CTNNA3: variants seen among roughly 807,000 people sequenced by gnomAD.
CTNNA3 encodes catenin alpha-3.
CTNNA3 carries 76 observed loss-of-function variants against 95.7 expected under a neutral mutation model. The ratio of observed to expected loss-of-function variants is 0.79; its 90% CI spans 0.66 to 0.96. The LOEUF is 0.96. Among genes scored for constraint, CTNNA3 ranks in the 40% least tolerant of loss-of-function variants. The pLI is 0.00. For synonymous variants in CTNNA3, 431 were observed against 374.4 expected (o/e 1.15, Z -1.74); for missense variants, 1,191 against 1,089.8 (o/e 1.09, Z -1.31).
chr10:67,146,049 A>T (rs1399362990), intron 7 of CTNNA3, among the ~76,000 whole-genome samples: 1 of 152,024 alleles, frequency 6.6e-6, no homozygotes, highest in Non-Finnish European at 1.5e-5. Flanking sequence ...ATCATCTTCT[A>T]TGGATCCATG....
chr10:67,006,572 G>A (rs1234933201), intron 7 of CTNNA3, among the ~76,000 whole-genome samples: 1 of 152,058 alleles, frequency 6.6e-6, no homozygotes, highest in East Asian at 1.9e-4. Context: ...ACCTGCTAAA[G>A]TAGAAGTCTC....
At chr10:67,674,455 T>C (rs768067323) in intron 1 of CTNNA3, among the ~76,000 whole-genome samples, 2 of 152,106 alleles carry the variant, frequency 1.3e-5, no homozygotes, top group Non-Finnish European at 2.9e-5. Context: ...ACTCTGGCAG[T>C]CCTAGCAAAC....
chr10:66,360,442 G>A (rs1219394309), intron 12 of CTNNA3, among the ~76,000 whole-genome samples: 2 of 152,014 alleles, frequency 1.3e-5, no homozygotes, highest in Non-Finnish European at 2.9e-5. Flanking sequence ...AAAAACCCAG[G>A]ATGTATTTGA....
At chr10:67,134,443 T>C (rs988708235) in intron 7 of CTNNA3, among the ~76,000 whole-genome samples, 15 of 152,066 alleles carry the variant, frequency 9.9e-5, no homozygotes, top group African/African-American at 3.6e-4. Context: ...ATGAATGAAT[T>C]TCCTAATAAA....
At chr10:66,059,765 A>C (rs2133566181) in intron 15 of CTNNA3, among the ~76,000 whole-genome samples, 1 of 152,240 alleles carries the variant, frequency 6.6e-6, no homozygotes, top group South Asian at 2.1e-4. Context: ...TAAATTTAGT[A>C]AAATTAGTAC....
intron 1 of CTNNA3, among the ~76,000 whole-genome samples, chr10:67,669,040 A>C (rs1840384177): frequency 6.6e-6 from 1 of 151,896 alleles, no homozygotes; most frequent in African/African-American, 2.4e-5. Flanking sequence ...GGGTTTCACT[A>C]TGTTGGCCAG....
intron 12 of CTNNA3, among the ~76,000 whole-genome samples, chr10:66,374,672 T>C (rs966820955): frequency 7.1e-6 from 1 of 141,172 alleles, no homozygotes; most frequent in Non-Finnish European, 1.5e-5. Context: ...TGGAGTGCAG[T>C]GGCAGGATCT....
At chr10:67,028,665 A>AG (rs201834763) in intron 7 of CTNNA3, among the ~76,000 whole-genome samples, 1 of 146,140 alleles carries the variant, frequency 6.8e-6, no homozygotes, top group Admixed American at 6.8e-5. Context: ...AAAAAAAAAA[A>AG]GTTCTTGGAG....
chr10:67,534,059 G>GA (rs932842725), intron 4 of CTNNA3, among the ~76,000 whole-genome samples: 658 of 142,910 alleles, frequency 4.6e-3, no homozygotes, highest in Non-Finnish European at 6.9e-3. Context: ...TGTCAGGAGG[G>GA]AAAAAAAAAA....
intron 5 of CTNNA3, among the ~76,000 whole-genome samples, chr10:67,453,149 G>A (rs1288447007): frequency 6.6e-6 from 1 of 152,166 alleles, no homozygotes; most frequent in African/African-American, 2.4e-5. Flanking sequence ...TTGAGAGCTA[G>A]GGCCATGCAG....
intron 16 of CTNNA3, among the ~76,000 whole-genome samples, chr10:65,974,066 C>T (rs1378866495): frequency 6.6e-6 from 1 of 152,040 alleles, no homozygotes; most frequent in African/African-American, 2.4e-5. Flanking sequence ...GTCAGAATGG[C>T]TATTATTAAA....
intron 9 of CTNNA3, among the ~76,000 whole-genome samples, chr10:66,749,167 C>T (rs898726761): frequency 5.5e-5 from 7 of 126,606 alleles, no homozygotes. Context: ...TGTGCCGCTG[C>T]ACTCCAGCCT....
At chr10:67,072,595 G>C (rs1479527347) in intron 7 of CTNNA3, among the ~76,000 whole-genome samples, 1 of 152,208 alleles carries the variant, frequency 6.6e-6, no homozygotes, top group Non-Finnish European at 1.5e-5. Context: ...GTTGGGGCTA[G>C]ATTGCAGTTT....
intron 7 of CTNNA3, among the ~76,000 whole-genome samples, chr10:66,871,536 T>C (rs9414950): frequency 0.14 from 18,491 of 129,434 alleles, 1,889 homozygotes; most frequent in East Asian, 0.45. Context: ...CACTCCAGCC[T>C]GGGCAACAAG....
rs1220359425 is a variant in CTNNA3 at position 67,375,792 on chromosome 10, T to C, written c.579+146050A>G. Among the ~76,000 whole-genome samples, 5 of 152,122 alleles carry C rather than the reference T, an allele frequency of 3.3e-5. No individual in the cohort carries two copies. In the South Asian group the frequency reaches 8.3e-4, roughly 25 times the overall value. On this transcript the variant is annotated intron_variant, in intron 5 of 17. Coordinates refer to ENST00000433211, the MANE Select transcript of CTNNA3 (RefSeq NM_013266.4). Reference sequence around the variant, plus strand: ...TCTGGCTAACAAAACCTGAAATAAATGGTAGTTTAATTTTCTGAAAACAAA... The same window carrying C: ...TCTGGCTAACAAAACCTGAAATAAACGGTAGTTTAATTTTCTGAAAACAAA...
chr10:67,747,524 G>A (rs1394575971), intron 1 of CTNNA3, among the ~76,000 whole-genome samples: 2 of 152,174 alleles, frequency 1.3e-5, no homozygotes. Context: ...CAGCCCTACA[G>A]AAGAGGGGCC....
At chr10:67,189,093 G>T in intron 6 of CTNNA3, among the ~76,000 whole-genome samples, 1 of 151,684 alleles carries the variant, frequency 6.6e-6, no homozygotes, top group Non-Finnish European at 1.5e-5. Context: ...CTCCAGCCTG[G>T]GTGACAGAGC....
intron 7 of CTNNA3, among the ~76,000 whole-genome samples, chr10:66,796,073 T>C (rs1447299493): frequency 6.6e-6 from 1 of 152,146 alleles, no homozygotes; most frequent in African/African-American, 2.4e-5. Context: ...TCATCATTCA[T>C]GTGTTCACTG....
rs367733734 is a variant in CTNNA3 at position 66,219,034 on chromosome 10, G to A, written c.1884+61436C>T. Among the ~76,000 whole-genome samples, 50 of 152,146 alleles carry A rather than the reference G, an allele frequency of 3.3e-4. No individual in the cohort carries two copies. In the South Asian group the frequency reaches 9.4e-3, roughly 28 times the overall value. ...TTATTCATATGCTTGTCCCACCTTCGTATGTTGGTTATGTGGGAACAGATA... is the reference window on the plus strand; with the variant it reads ...TTATTCATATGCTTGTCCCACCTTCATATGTTGGTTATGTGGGAACAGATA... On this transcript the variant is annotated intron_variant, in intron 13 of 17. Transcript: ENST00000433211.
Sources: gnomAD v4.1 joint callset for allele counts (sites outside exome capture counted in the v4.1 genomes callset) on GRCh38, gnomAD v4.1.1 for gene constraint, MANE v1.5 for transcripts, NCBI Gene and HGNC (gene_info 2026-07-23, HGNC 2026-07-21) for gene names.